The following CEACAM19 variants were observed in gnomAD, a reference collection of about 807,000 sequenced individuals.
The protein encoded by CEACAM19 is CEA cell adhesion molecule 19, also known as cell adhesion molecule CEACAM19.
Under a neutral mutation model 37.6 loss-of-function variants are expected in CEACAM19, and 37 were observed. The observed-to-expected ratio is 0.98, with a 90% CI of 0.76 to 1.29. CEACAM19 has a LOEUF of 1.29. Ranked by LOEUF, CEACAM19 falls within the 50% of genes most tolerant of loss-of-function variation. CEACAM19 has a pLI of 0.00. For synonymous variants in CEACAM19, 140 were observed against 149.8 expected (o/e 0.93, Z 0.48); for missense variants, 340 against 375.6 (o/e 0.91, Z 0.78).
chr19:44,673,084 A>G, intron 2 of CEACAM19, 120 bp downstream of exon 2: 1 of 782,578 alleles, frequency 1.3e-6, no homozygotes, highest in Non-Finnish European at 1.9e-6. Context: ...CTTGACACAT[A>G]TTGAGCATCT....
chr19:44,672,897 C>T lies in CEACAM19; in HGVS notation c.357C>T (p.Thr119=). Residue 119 remains threonine (T), a synonymous_variant, in exon 2 of 8, where the codon ACC becomes ACT. Coordinates refer to ENST00000358777, the MANE Select transcript of CEACAM19 (RefSeq NM_001127893.3). ...GCGCCCAGCCTACAGACAGTGGCAC[C>T]TACCAAGTAGCCATTACCATCAACT... is the stretch of plus-strand genomic sequence containing the variant. ...LRRAQPTDSG[T]YQVAITINSE... The T allele has an allele frequency of 6.4e-7, 1 of 1,568,480 alleles. No individual in the cohort carries two copies. Among genetic ancestry groups the T allele is most frequent in the Non-Finnish European group, 8.7e-7 (1 of 1,154,688 alleles).
At chr19:44,682,889 G>C in intron 7 of CEACAM19, 1 of 420,350 alleles carries the variant, frequency 2.4e-6, no homozygotes, top group Non-Finnish European at 4.3e-6. Context: ...CCCAGAGAGG[G>C]ACAGGGGATT....
upstream of CEACAM19, among the ~76,000 whole-genome samples, chr19:44,670,781 GAAAAAAAA>G (rs74691226): frequency 6.5e-3 from 380 of 58,164 alleles, no homozygotes; most frequent in African/African-American, 0.013. Flanking sequence ...CCTGTCTCAA[GAAAAAAAA>G]AAAAAAAAAA....
upstream of CEACAM19, among the ~76,000 whole-genome samples, chr19:44,670,361 T>C (rs1973833531): frequency 6.7e-6 from 1 of 149,498 alleles, no homozygotes; most frequent in African/African-American, 2.5e-5. Flanking sequence ...GGAATAAACA[T>C]GATCCAAAAA....
chr19:44,668,759 T>TATATA (rs1363208366), upstream of CEACAM19, among the ~76,000 whole-genome samples: 1 of 91,496 alleles, frequency 1.1e-5, no homozygotes, highest in African/African-American at 7.5e-5. Context: ...TATAATATAA[T>TATATA]ATATATAATA....
intron 3 of CEACAM19, 154 bp from the exon 4 acceptor site, chr19:44,678,699 C>T (rs748346014): frequency 9.1e-7 from 1 of 1,096,588 alleles, no homozygotes; most frequent in Non-Finnish European, 1.3e-6. Flanking sequence ...GCATGAGCCA[C>T]TGAGCCCAAT....
intron 7 of CEACAM19, chr19:44,683,175 C>T (rs1201318514): frequency 1.3e-5 from 5 of 388,318 alleles, no homozygotes; most frequent in East Asian, 7.9e-5. Context: ...TACATGTCTT[C>T]GTTTCTCTGC....
upstream of CEACAM19, among the ~76,000 whole-genome samples, chr19:44,668,670 C>CATATATTATATATTATAATATATT (rs1568513156): frequency 1.3e-4 from 5 of 38,478 alleles, no homozygotes; most frequent in Non-Finnish European, 2.2e-4. Context: ...TAATTATATA[C>CATATATTATATATTATAATATATT]ATATATTATA....
chr19:44,671,782 G>A lies in CEACAM19; in HGVS notation c.-150G>A. On this transcript the variant is annotated 5_prime_UTR_variant, in exon 1 of 8. Transcript: ENST00000358777. ...GGAGCCTCCAGAGCCCATGGACAGG[G>A]CATGCTGGGGCTGGGCCAGCCCCAG... 1.6e-6 allele frequency: 1 copy of A among 611,356 alleles called. No homozygotes were observed. 37.9% of individuals were successfully genotyped at this position (611,356 alleles called of 1,614,324 possible).
At chr19:44,681,490 G>A (rs182694446) in intron 6 of CEACAM19, among the ~76,000 whole-genome samples, 178 bp downstream of exon 6, 2 of 152,320 alleles carry the variant, frequency 1.3e-5, no homozygotes, top group South Asian at 2.1e-4. Context: ...CAGCACAACA[G>A]AAGCAGCATT....
At chr19:44,677,029 G>A (rs961211389) in intron 3 of CEACAM19, among the ~76,000 whole-genome samples, 5 of 151,976 alleles carry the variant, frequency 3.3e-5, no homozygotes, top group Non-Finnish European at 7.4e-5. Context: ...ATTTTTCTTC[G>A]GTGGCTTCAT....
At chr19:44,667,936 AAT>A (rs1193858421), upstream of CEACAM19, among the ~76,000 whole-genome samples, 4 of 76,920 alleles carry the variant, frequency 5.2e-5, no homozygotes, top group Admixed American at 7.1e-4. Context: ...TAATATATAA[AAT>A]ATATATAAAT....
intron 1 of CEACAM19, 41 bp from the exon 2 acceptor site, chr19:44,672,555 C>T: frequency 6.9e-7 from 1 of 1,440,302 alleles, no homozygotes; most frequent in Non-Finnish European, 9.1e-7. Flanking sequence ...TGGTCCCTGG[C>T]AACACCCCTG....
chr19:44,671,578 C>T lies in CEACAM19; in HGVS notation c.-354C>T. On this transcript the variant is annotated 5_prime_UTR_variant, in exon 1 of 8. An upstream open reading frame in the 5' UTR gains an earlier in-frame stop. Coordinates refer to ENST00000358777, the MANE Select transcript of CEACAM19 (RefSeq NM_001127893.3). ...GAGGCAGTGTGTGTTTGAACAAACC[C>T]AGGGGAATTGTTCAAACAGAGGCTG... The T allele has an allele frequency of 2.4e-6, 1 of 413,834 alleles. No individual in the cohort carries two copies. Among genetic ancestry groups the T allele is most frequent in the Non-Finnish European group, 4.3e-6 (1 of 234,344 alleles). 25.6% of individuals were successfully genotyped at this position (413,834 alleles called of 1,614,324 possible).
Position 44,682,617 on chromosome 19 carries a change from C to A in CEACAM19, c.843C>A (p.Tyr281Ter). The A allele has an allele frequency of 6.2e-7, 1 of 1,602,998 alleles. No individual in the cohort carries two copies. Among genetic ancestry groups the A allele is most frequent in the South Asian group, 1.1e-5 (1 of 88,922 alleles). The change falls in exon 7 of 8, where the codon TAC becomes TAA. Residue 281 changes from tyrosine (Y) to a stop codon, truncating the protein, a stop_gained. Transcript: ENST00000358777. LOFTEE classifies it high-confidence loss of function. ...AGGCGGAGCCAGAGAACCACCAGTACCAGGTATGGAGCTGGGAGCTGGGAG... is the reference window on the plus strand; with the variant it reads ...AGGCGGAGCCAGAGAACCACCAGTAACAGGTATGGAGCTGGGAGCTGGGAG... ...HLQAEPENHQYQDLLNPDPAP... is the reference protein window; with the variant it reads ...HLQAEPENHQ
At chr19:44,683,346 A>G in intron 7 of CEACAM19, 91 bp from the exon 8 acceptor site, 1 of 534,254 alleles carries the variant, frequency 1.9e-6, no homozygotes, top group South Asian at 2.8e-5. Flanking sequence ...TCTCCATCTC[A>G]CGCTGTCTCT....
In CEACAM19 at chr19:44,671,627, G is replaced by A; in HGVS notation, c.-305G>A. On this transcript the variant is annotated 5_prime_UTR_variant, in exon 1 of 8. Transcript: ENST00000358777. ...TGTTATGACTATTGCTACAGTGACT[G>A]CTGTTGTAGTCACGCTGAGTGAGAA... 2.2e-6 allele frequency: 1 copy of A among 455,760 alleles called. No homozygotes were observed. Among genetic ancestry groups the A allele is most frequent in the Non-Finnish European group, 3.9e-6 (1 of 256,954 alleles). The allele number at this position is 455,760 out of a possible 1,614,324, so 28.2% of individuals were successfully genotyped here. A position where few individuals can be genotyped will look rare whatever the true frequency, so the allele number is the denominator to read the frequency against.
At chr19:44,681,191 T>C (rs1974051299) in intron 5 of CEACAM19, 36 bp from the exon 6 acceptor site, 12 of 1,464,634 alleles carry the variant, frequency 8.2e-6, no homozygotes, top group Non-Finnish European at 1.1e-5. Context: ...GTGGGGCCCA[T>C]GTGTCAGCTG....
intron 2 of CEACAM19, among the ~76,000 whole-genome samples, chr19:44,674,671 G>A (rs1973915571): frequency 6.6e-6 from 1 of 152,174 alleles, no homozygotes; most frequent in South Asian, 2.1e-4. Flanking sequence ...CCAAAGTGCT[G>A]GGATTACAGG....
Sources: allele counts gnomAD v4.1 joint callset (sites outside exome capture counted in the v4.1 genomes callset), GRCh38; gene constraint gnomAD v4.1.1; transcripts MANE v1.5; gene names NCBI Gene and HGNC (gene_info 2026-07-23, HGNC 2026-07-21).